ZFAND5: variants seen among roughly 807,000 people sequenced by gnomAD.
ZFAND5 encodes the protein AN1-type zinc finger protein 5.
ZFAND5 carries 4 observed loss-of-function variants against 23.6 expected under a neutral mutation model. That is an observed-to-expected ratio of 0.17 (90% CI 0.08 to 0.39). ZFAND5 has a LOEUF of 0.39. Among genes scored for constraint, ZFAND5 ranks in the 10% least tolerant of loss-of-function variants. ZFAND5 has a pLI of 1.00. For synonymous variants in ZFAND5, 68 were observed against 80.6 expected, an observed-to-expected ratio of 0.84 and a Z score of 0.84; for missense variants, 161 against 253.7, an observed-to-expected ratio of 0.63 and a Z score of 2.48.
chr9:72,360,027 C>T, intron 4 of ZFAND5, 83 bp downstream of exon 4: 1 of 1,159,694 alleles, frequency 8.6e-7, no homozygotes, highest in African/African-American at 1.6e-5. Context: ...CCAAGGGTAT[C>T]TATTAACTTA....
rs1363405657 is a variant in ZFAND5 at position 72,358,981 on chromosome 9, C to CAA, written c.367+435_367+436dup. On this transcript the variant is annotated intron_variant, in intron 5 of 6. Coordinates refer to ENST00000376962, the MANE Select transcript of ZFAND5 (RefSeq NM_001102420.3). ...TTCCACACTGAGTTTCAAACTCCCA[C>CAA]AAAATATGATAGGAATATTGTACTT... Among the ~76,000 whole-genome samples the CAA allele has an allele frequency of 7.1e-4, 4 of 5,640 alleles. No individual in the cohort carries two copies. In the Non-Finnish European group the frequency reaches 0.017, roughly 23 times the overall value. 3.7% of individuals were successfully genotyped at this position (5,640 alleles called of 152,430 possible). A position where few individuals can be genotyped will look rare whatever the true frequency, so the allele number is the denominator to read the frequency against.
intron 1 of ZFAND5, 41 bp from the exon 2 acceptor site, chr9:72,363,647 A>G (rs2975098): frequency 0.48 from 473,004 of 980,706 alleles, 118,329 homozygotes; most frequent in South Asian, 0.57. Flanking sequence ...AAGAATCCTT[A>G]ATTTTTTAGG....
chr9:72,364,921 G>GGAGGAGGGAAGCGAGGGGGGGCC lies in ZFAND5; in HGVS notation c.-395_-373dup. 1 of 153,102 alleles carries GGAGGAGGGAAGCGAGGGGGGGCC rather than the reference G, an allele frequency of 6.5e-6. No individual in the cohort carries two copies. The highest frequency in any genetic ancestry group is 2.4e-5 in the African/African-American group (1 of 41,442). 9.5% of individuals were successfully genotyped at this position (153,102 alleles called of 1,614,324 possible). On this transcript the variant is annotated 5_prime_UTR_variant, in exon 1 of 7. Coordinates refer to ENST00000376962, the MANE Select transcript of ZFAND5 (RefSeq NM_001102420.3). ...GGGACACGCCGGAGCTCGGGAAGTG[G>GGAGGAGGGAAGCGAGGGGGGGCC]GAGGAGGGAAGCGAGGGGGGGCCGA...
chr9:72,361,831 G>C (rs1842112863), intron 2 of ZFAND5, among the ~76,000 whole-genome samples: 1 of 152,178 alleles, frequency 6.6e-6, no homozygotes, highest in Non-Finnish European at 1.5e-5. Flanking sequence ...TCTTAAACAT[G>C]TATAAGCATA....
chr9:72,357,071 AAC>A lies in ZFAND5; in HGVS notation c.368-17_368-16del, dbSNP rs747777540. 1.2e-5 allele frequency: 20 copies of A among 1,606,908 alleles called. No homozygotes were observed. The highest frequency in any genetic ancestry group is 2.7e-5 in the African/African-American group (2 of 74,572). ...CTGAGTGACAACTGAAAAGGACAAA[AAC>A]ACAAATTTGTCAAGCATTCACTGGC... is the stretch of plus-strand genomic sequence containing the variant. On this transcript the variant is annotated splice_polypyrimidine_tract_variant and intron_variant, in intron 5 of 6. Transcript: ENST00000376962.
chr9:72,360,695 T>C lies in ZFAND5; in HGVS notation c.84A>G (p.Gly28=). 6.2e-7 allele frequency: 1 copy of C among 1,614,108 alleles called. No individual in the cohort carries two copies. Among genetic ancestry groups the C allele is most frequent in the Non-Finnish European group, 8.5e-7 (1 of 1,179,966 alleles). The change falls in exon 3 of 7, where the codon GGA becomes GGG. Residue 28 remains glycine (G), a synonymous_variant. Transcript: ENST00000376962. Reference sequence around the variant, plus strand: ...GTTCTTTGTAGCAAACTGAACACATTCCATTTGTCCTAGGATTTCCATAAA... The same window carrying C: ...GTTCTTTGTAGCAAACTGAACACATCCCATTTGTCCTAGGATTTCCATAAA... The part of the protein sequence containing the change: ...CGFYGNPRTN[G]MCSVCYKEHL...
chr9:72,365,173 G>A lies in ZFAND5; in HGVS notation c.-624C>T, dbSNP rs1001144109. On this transcript the variant is annotated 5_prime_UTR_variant, in exon 1 of 7. Transcript: ENST00000376962. ...TCCCGGGAGCGAGCGAGCCCGCGTA[G>A]GAGATGCACACAGCTCCGCGTCCCG... The A allele has an allele frequency of 4.6e-5, 7 of 152,282 alleles. No individual in the cohort carries two copies. In the East Asian group the frequency reaches 5.8e-4, roughly 13 times the overall value. The allele number at this position is 152,282 out of a possible 1,614,324, so 9.4% of individuals were successfully genotyped here. A position where few individuals can be genotyped will look rare whatever the true frequency, so the allele number is the denominator to read the frequency against.
At chr9:72,360,043 G>T in intron 4 of ZFAND5, 67 bp downstream of exon 4, 1 of 1,320,098 alleles carries the variant, frequency 7.6e-7, no homozygotes, top group Non-Finnish European at 1.1e-6. Context: ...ACTTATTATT[G>T]GACCAGTACA....
rs567875194 is a variant in ZFAND5 at position 72,354,589 on chromosome 9, C to T, written c.*1364G>A. The stretch of plus-strand genomic sequence containing the variant: ...GCAGGTCTAACTCAGAACTAAGGTA[C>T]ATAAAATTGAAAGCAAAACTGAATG... On this transcript the variant is annotated 3_prime_UTR_variant, in exon 7 of 7. Transcript: ENST00000376962. 6.6e-5 allele frequency: 10 copies of T among 152,662 alleles called. No individual in the cohort carries two copies. Among genetic ancestry groups the T allele is most frequent in the Non-Finnish European group, 1.3e-4 (9 of 68,006 alleles). 9.5% of individuals were successfully genotyped at this position (152,662 alleles called of 1,614,324 possible).
intron 1 of ZFAND5, 131 bp downstream of exon 1, chr9:72,364,565 C>G (rs1307374825): frequency 7.9e-7 from 1 of 1,262,536 alleles, no homozygotes; most frequent in Non-Finnish European, 1.0e-6. Flanking sequence ...GCGGGCTCCC[C>G]TCCCCCGGAC....
chr9:72,359,115 C>T (rs945702656), intron 5 of ZFAND5, among the ~76,000 whole-genome samples: 5 of 152,094 alleles, frequency 3.3e-5, no homozygotes, highest in African/African-American at 1.2e-4. Context: ...ATTCCTTATA[C>T]CCTTGAAATT....
intron 4 of ZFAND5, 129 bp from the exon 5 acceptor site, chr9:72,359,650 A>C (rs967148675): frequency 3.3e-5 from 29 of 888,514 alleles, no homozygotes; most frequent in Non-Finnish European, 1.3e-5. Context: ...GATAATCTAA[A>C]GTTTAAAAAA....
chr9:72,358,932 T>C (rs761441711), intron 5 of ZFAND5, among the ~76,000 whole-genome samples: 1 of 151,822 alleles, frequency 6.6e-6, no homozygotes, highest in Non-Finnish European at 1.5e-5. Flanking sequence ...AAAGTCACCA[T>C]ATCTCATGAA....
rs755294911 is a variant in ZFAND5, at chr9:72,355,987, G to C, written c.608C>G (p.Pro203Arg). ...CTGAATTTTTTCAGCCACAACAACT[G>C]GATTCTCTTTTCTGATTTTTGCTGC... ...EAAAKIRKEN[P>R]VVVAEKIQRI The change falls in exon 7 of 7, where the codon CCA (proline) becomes CGA (arginine). Residue 203 changes from proline (P) to arginine (R), a missense_variant. Coordinates refer to ENST00000376962, the MANE Select transcript of ZFAND5 (RefSeq NM_001102420.3). The C allele has an allele frequency of 6.2e-7, 1 of 1,612,020 alleles. No individual in the cohort carries two copies. Among genetic ancestry groups the C allele is most frequent in the Non-Finnish European group, 8.5e-7 (1 of 1,179,226 alleles).
chr9:72,358,635 T>A (rs972939821), intron 5 of ZFAND5, among the ~76,000 whole-genome samples: 1 of 152,106 alleles, frequency 6.6e-6, no homozygotes, highest in Non-Finnish European at 1.5e-5. Flanking sequence ...ACTTGAGAAT[T>A]TGGCCTTAAC....
intron 3 of ZFAND5, 67 bp downstream of exon 3, chr9:72,360,561 C>T: frequency 1.9e-6 from 3 of 1,601,054 alleles, no homozygotes; most frequent in Non-Finnish European, 2.6e-6. Flanking sequence ...TTCTCAGCCC[C>T]AATTCTTGGT....
chr9:72,358,867 C>CA (rs1842016931), intron 5 of ZFAND5, among the ~76,000 whole-genome samples: 1 of 152,128 alleles, frequency 6.6e-6, no homozygotes. Context: ...TAATTCAAGT[C>CA]AGTCTTCTTC....
chr9:72,359,917 T>C (rs917103052), intron 4 of ZFAND5, among the ~76,000 whole-genome samples, 193 bp downstream of exon 4: 3 of 152,200 alleles, frequency 2.0e-5, no homozygotes, highest in Non-Finnish European at 2.9e-5. Context: ...CAACACAGTA[T>C]CCTTGAGGGG....
intron 3 of ZFAND5, 200 bp from the exon 4 acceptor site, chr9:72,360,421 A>C: frequency 1.2e-6 from 1 of 862,108 alleles, no homozygotes. Flanking sequence ...AAATAACCCC[A>C]AAAAAGAAAA....
Sources: gnomAD v4.1 joint callset for allele counts (sites outside exome capture counted in the v4.1 genomes callset) on GRCh38, gnomAD v4.1.1 for gene constraint, MANE v1.5 for transcripts, NCBI Gene and HGNC (gene_info 2026-07-23, HGNC 2026-07-21) for gene names.